DOCK1: variants seen among roughly 807,000 people sequenced by gnomAD.
DOCK1 encodes the protein dedicator of cytokinesis protein 1.
Under a neutral mutation model 262.7 loss-of-function variants are expected in DOCK1, and 138 were observed. That is an observed-to-expected ratio of 0.53 (90% CI 0.46 to 0.61). The LOEUF is 0.61. DOCK1 is among the 20% of genes least tolerant of loss of function. DOCK1 has a pLI of 0.00. For missense variants in DOCK1, 1,908 were observed against 2,370.7 expected (o/e 0.80, Z 4.05); for synonymous variants, 866 against 867.4 (o/e 1.00, Z 0.03).
At chr10:127,395,019 A>C (rs1020072699) in intron 38 of DOCK1, among the ~76,000 whole-genome samples, 2 of 152,168 alleles carry the variant, frequency 1.3e-5, no homozygotes, top group African/African-American at 4.8e-5. Flanking sequence ...AGTAAAATTA[A>C]GTTTGCCAGA....
chr10:127,069,925 G>A (rs2046114104), intron 23 of DOCK1, among the ~76,000 whole-genome samples: 1 of 152,134 alleles, frequency 6.6e-6, no homozygotes, highest in African/African-American at 2.4e-5. Flanking sequence ...TCAGAGCCTT[G>A]GAGATTAGAA....
chr10:127,320,085 G>A (rs1234205290), intron 29 of DOCK1, among the ~76,000 whole-genome samples: 1 of 152,158 alleles, frequency 6.6e-6, no homozygotes, highest in Non-Finnish European at 1.5e-5. Flanking sequence ...ACTCATCGGT[G>A]CCCACAATAA....
intron 31 of DOCK1, among the ~76,000 whole-genome samples, chr10:127,354,090 T>C (rs1197019772): frequency 6.6e-6 from 1 of 152,244 alleles, no homozygotes; most frequent in Non-Finnish European, 1.5e-5. Flanking sequence ...TTCTGTTTAC[T>C]CATGAAACAC....
chr10:126,941,560 T>C (rs1239985257), intron 1 of DOCK1, among the ~76,000 whole-genome samples: 5 of 152,094 alleles, frequency 3.3e-5, no homozygotes, highest in Non-Finnish European at 4.4e-5. Context: ...ATCGAGACCA[T>C]CCTGGCTAAC....
intron 23 of DOCK1, among the ~76,000 whole-genome samples, chr10:127,077,882 G>A (rs1014160660): frequency 2.0e-5 from 3 of 152,030 alleles, no homozygotes; most frequent in Admixed American, 1.3e-4. Context: ...GAGTTGAGAT[G>A]GGGGAGCATT....
At chr10:127,318,618 G>A (rs759014532) in intron 29 of DOCK1, among the ~76,000 whole-genome samples, 15 of 152,212 alleles carry the variant, frequency 9.9e-5, no homozygotes, top group South Asian at 2.1e-4. Context: ...TGAAGCTCAC[G>A]AATGCTTTGG....
chr10:127,401,972 C>G (rs1024957254), intron 38 of DOCK1, among the ~76,000 whole-genome samples: 4 of 152,156 alleles, frequency 2.6e-5, no homozygotes, highest in African/African-American at 9.7e-5. Context: ...TGGGTGGTTC[C>G]AAAGCTGCGT....
chr10:127,135,577 CT>C (rs1350736168), intron 27 of DOCK1: 5 of 152,624 alleles, frequency 3.3e-5, no homozygotes, highest in African/African-American at 1.2e-4. Context: ...TTACTTGAAT[CT>C]TTCCAAGAGA....
chr10:127,074,479 T>G (rs1275717146), intron 23 of DOCK1, among the ~76,000 whole-genome samples: 2 of 152,216 alleles, frequency 1.3e-5, no homozygotes, highest in Non-Finnish European at 2.9e-5. Flanking sequence ...CTGAACAGTA[T>G]TATTCTCCAT....
chr10:127,115,625 C>T (rs2049131987), intron 25 of DOCK1, among the ~76,000 whole-genome samples: 1 of 152,128 alleles, frequency 6.6e-6, no homozygotes, highest in African/African-American at 2.4e-5. Context: ...TAATTAAACA[C>T]TAGAACACTG....
chr10:127,381,111 C>T (rs2065801328), intron 36 of DOCK1, among the ~76,000 whole-genome samples, 167 bp from the exon 37 acceptor site: 1 of 152,078 alleles, frequency 6.6e-6, no homozygotes, highest in African/African-American at 2.4e-5. Flanking sequence ...CTGAGTTTTT[C>T]TTAGTGCTTT....
At chr10:126,994,281 A>T (rs1228122380) in intron 6 of DOCK1, among the ~76,000 whole-genome samples, 3 of 151,766 alleles carry the variant, frequency 2.0e-5, no homozygotes, top group African/African-American at 7.3e-5. Context: ...AATCAGAGAG[A>T]ATATTCCCCA....
rs1026223521 is a variant in DOCK1, at chr10:127,437,926, A to G, written c.5061-1101A>G. On this transcript the variant is annotated intron_variant, in intron 48 of 51. Transcript: ENST00000623213. This position sits in a 1 kb window ranked among gnomAD's most constrained non-coding sequence, Gnocchi z 4.4. ...AATCATGCTCCCCTTGAAGAAGCCA[A>G]TTGCTTCTCCAGGCGGTCAAGGAAG... Among the ~76,000 whole-genome samples the G allele has an allele frequency of 3.9e-5, 6 of 152,208 alleles. No individual in the cohort carries two copies. Among genetic ancestry groups the G allele is most frequent in the African/African-American group, 1.2e-4 (5 of 41,454 alleles).
chr10:126,938,956 A>C lies in DOCK1; in HGVS notation c.47-31746A>C, dbSNP rs1223710130. On this transcript the variant is annotated intron_variant, in intron 1 of 51. Coordinates refer to ENST00000623213, the MANE Select transcript of DOCK1 (RefSeq NM_001290223.2). ...GGGGGGACGAACACTGGGGGGGCGA[A>C]CACCTGGGGGGACAAACACCGGGGG... 3.9e-5 allele frequency among the ~76,000 whole-genome samples: 3 copies of C among 76,810 alleles called. No homozygotes were observed. The Admixed American group carries it at 6.2e-4, about 16-fold the overall frequency. 50.4% of individuals were successfully genotyped at this position (76,810 alleles called of 152,430 possible). A position where few individuals can be genotyped will look rare whatever the true frequency, so the allele number is the denominator to read the frequency against.
At chr10:127,261,290 CATGTGG>C in intron 29 of DOCK1, among the ~76,000 whole-genome samples, 1 of 58,706 alleles carries the variant, frequency 1.7e-5, no homozygotes, top group Non-Finnish European at 3.2e-5. Context: ...CATGTGTGTG[CATGTGG>C]GTGTGTGTGT....
chr10:126,980,887 A>G, intron 3 of DOCK1, among the ~76,000 whole-genome samples: 1 of 150,612 alleles, frequency 6.6e-6, no homozygotes. Context: ...CTCTTTTCTT[A>G]CCTTTGCTTT....
chr10:127,252,048 T>C (rs2059667839), intron 28 of DOCK1, among the ~76,000 whole-genome samples: 1 of 151,474 alleles, frequency 6.6e-6, no homozygotes, highest in South Asian at 2.1e-4. Flanking sequence ...CCAACACCTG[T>C]TGTTTCCTGA....
At position 127,171,826 on chromosome 10, in the gene DOCK1, C is replaced by A. The variant is rs367681384; in HGVS notation, c.2847+44062C>A. Among the ~76,000 whole-genome samples the A allele has an allele frequency of 1.6e-4, 25 of 152,290 alleles. No homozygotes were observed. In the East Asian group the frequency reaches 3.1e-3, roughly 19 times the overall value. ...TCAAGCAATTCTCCTGCCTCAGCCT[C>A]TGGAGGAGCTAGGATTACAGGTGCC... On this transcript the variant is annotated intron_variant, in intron 27 of 51. Transcript: ENST00000623213.
chr10:127,133,668 C>A (rs1452443686), intron 27 of DOCK1, among the ~76,000 whole-genome samples: 2 of 152,216 alleles, frequency 1.3e-5, no homozygotes, highest in African/African-American at 4.8e-5. Flanking sequence ...ACAATATGCT[C>A]TGCAATCCTT....
Sources: allele counts gnomAD v4.1 joint callset (sites outside exome capture counted in the v4.1 genomes callset), GRCh38; gene constraint gnomAD v4.1.1; non-coding constraint Gnocchi (gnomAD v3.1); transcripts MANE v1.5; gene names NCBI Gene and HGNC (gene_info 2026-07-23, HGNC 2026-07-21).